The following DCAF6 variants were observed in gnomAD, a reference collection of about 807,000 sequenced individuals.
DCAF6 encodes DDB1- and CUL4-associated factor 6.
In DCAF6, 54 loss-of-function variants were observed where a neutral mutation model predicts 125.1. That is an observed-to-expected ratio of 0.43 (90% CI 0.35 to 0.54). The LOEUF (loss-of-function observed/expected upper bound fraction) is 0.54, where lower values mean the gene tolerates loss of function less well. Ranked by LOEUF, DCAF6 falls within the 20% of genes least tolerant of loss-of-function variation. DCAF6 has a pLI of 0.01. For missense variants in DCAF6, 934 were observed against 1,161.7 expected (o/e 0.80, Z 2.85); for synonymous variants, 371 against 390.4 (o/e 0.95, Z 0.58).
At chr1:167,957,278 G>A (rs72699719) in intron 2 of DCAF6, among the ~76,000 whole-genome samples, 2,458 of 151,926 alleles carry the variant, frequency 0.016, 35 homozygotes, top group Non-Finnish European at 0.024. Context: ...CCTCTATTTA[G>A]CAGTTAGCAA....
chr1:167,932,856 TGGGCAACATAACTTCAA>T (rs917634659), upstream of DCAF6, among the ~76,000 whole-genome samples: 3 of 149,246 alleles, frequency 2.0e-5, no homozygotes, highest in Non-Finnish European at 4.5e-5. Flanking sequence ...AAAATAACAC[TGGGCAACATAACTTCAA>T]GATTATTTCT....
intron 1 of DCAF6, among the ~76,000 whole-genome samples, chr1:167,944,913 G>A (rs1473665994): frequency 1.3e-5 from 2 of 152,196 alleles, no homozygotes; most frequent in Non-Finnish European, 2.9e-5. Context: ...TGAGAGATAA[G>A]AGTTCAATTG....
At chr1:168,002,422 A>G in intron 7 of DCAF6, 60 bp from the exon 8 acceptor site, 1 of 1,397,192 alleles carries the variant, frequency 7.2e-7, no homozygotes, top group Non-Finnish European at 1.0e-6. Flanking sequence ...AGTATGCTTT[A>G]AGAGTTGAGA....
At chr1:168,059,229 G>C (rs188103944) in intron 17 of DCAF6, among the ~76,000 whole-genome samples, 64 of 152,182 alleles carry the variant, frequency 4.2e-4, no homozygotes, top group Admixed American at 3.9e-3. Flanking sequence ...ACTTTTCCCT[G>C]CCCCATTTAG....
At chr1:167,928,871 T>C in the DCAF6 span, among the ~76,000 whole-genome samples, 31 of 152,344 alleles carry the variant, frequency 2.0e-4, no homozygotes, top group Non-Finnish European at 3.4e-4. Flanking sequence ...GAAAATATAC[T>C]GAAGAAAAAT....
At position 168,075,345 on chromosome 1, in the gene DCAF6, T is replaced by C. The variant is rs752620833; in HGVS notation, c.2792-26T>C. ...TGTAATTACTAAAAGTATTTCTCTT[T>C]GCGATTCTCTTATCTGTGTTTCCAG... On this transcript the variant is annotated intron_variant, in intron 21 of 21. Coordinates refer to ENST00000367840, the MANE Select transcript of DCAF6 (RefSeq NM_001198956.2). The C allele has an allele frequency of 3.2e-6, 5 of 1,576,854 alleles. 1 individual carries two copies. The South Asian group carries it at 6.0e-5, about 19-fold the overall frequency.
chr1:167,953,560 A>G (rs1674306835), intron 2 of DCAF6, among the ~76,000 whole-genome samples: 1 of 152,224 alleles, frequency 6.6e-6, no homozygotes, highest in African/African-American at 2.4e-5. Context: ...TTTATGAATT[A>G]TTCATTGATG....
chr1:167,936,125 T>A (rs1671178021), upstream of DCAF6: 1 of 476,948 alleles, frequency 2.1e-6, no homozygotes, highest in Admixed American at 3.4e-5. Context: ...GCCAAAATAA[T>A]CACCTCACCA....
At position 167,936,919 on chromosome 1, in the gene DCAF6, G is replaced by A. The variant is rs1194912159; in HGVS notation, c.8G>A (p.Arg3Gln). The A allele has an allele frequency of 6.2e-7, 1 of 1,604,288 alleles. No individual in the cohort carries two copies. The change falls in exon 1 of 22, where the codon CGG becomes CAG. Residue 3 changes from arginine (R) to glutamine (Q), a missense_variant. Arg to Gln is a conservative substitution (Grantham distance 43, BLOSUM62 1). Around this residue, in one of 5 missense-constraint regions of DCAF6, gnomAD observed 309 missense variants for 381.2 expected, o/e 0.81. Coordinates refer to ENST00000367840, the MANE Select transcript of DCAF6 (RefSeq NM_001198956.2). MS[R>Q]GGSYPHLLWD... Reference sequence around the variant, plus strand: ...CCCGGCTCAGGCAGAGCCATGTCTCGGGGTGGCTCCTACCCACACCTGTTG... The same window carrying A: ...CCCGGCTCAGGCAGAGCCATGTCTCAGGGTGGCTCCTACCCACACCTGTTG...
intron 10 of DCAF6, among the ~76,000 whole-genome samples, chr1:168,008,898 T>TGCCCCCACCCCCTCCCCTCCCCCC (rs1683765760): frequency 4.4e-5 from 3 of 68,000 alleles, no homozygotes; most frequent in African/African-American, 1.7e-4. Context: ...CCCTCCCCCC[T>TGCCCCCACCCCCTCCCCTCCCCCC]CCCTCCCTCC....
intron 1 of DCAF6, among the ~76,000 whole-genome samples, chr1:167,948,827 T>A (rs566154664): frequency 6.6e-6 from 1 of 152,178 alleles, no homozygotes; most frequent in South Asian, 2.1e-4. Context: ...AATTTTTGTA[T>A]TTTTAGTAGA....
chr1:167,899,792 C>T, the DCAF6 span, among the ~76,000 whole-genome samples: 2 of 152,296 alleles, frequency 1.3e-5, no homozygotes, highest in South Asian at 2.1e-4. Context: ...CTTTTGGGCT[C>T]GGGCCTTCCA....
intron 18 of DCAF6, 48 bp downstream of exon 18, chr1:168,063,807 C>CT (rs1417700788): frequency 6.4e-7 from 1 of 1,563,464 alleles, no homozygotes; most frequent in Non-Finnish European, 8.6e-7. Context: ...GTTTCATGCT[C>CT]TGAGTGTTTT....
At chr1:167,939,670 G>A (rs777783495) in intron 1 of DCAF6, among the ~76,000 whole-genome samples, 26 of 152,110 alleles carry the variant, frequency 1.7e-4, no homozygotes, top group Admixed American at 3.3e-4. Context: ...GGCTGAGGCA[G>A]GAGAATAGCT....
chr1:167,945,702 A>G (rs989100452), intron 1 of DCAF6, among the ~76,000 whole-genome samples: 19 of 151,670 alleles, frequency 1.3e-4, no homozygotes, highest in Admixed American at 6.6e-4. Flanking sequence ...GGGTTTCACC[A>G]TGTTGGCCAG....
At chr1:167,931,328 T>A (rs1394052328), upstream of DCAF6, among the ~76,000 whole-genome samples, 7 of 152,220 alleles carry the variant, frequency 4.6e-5, no homozygotes. Context: ...CAGAACAGTG[T>A]CTAATATACA....
the DCAF6 span, among the ~76,000 whole-genome samples, chr1:167,895,390 T>G: frequency 6.6e-6 from 1 of 152,022 alleles, no homozygotes; most frequent in Non-Finnish European, 1.5e-5. Context: ...GTCTCCCCAC[T>G]CCCCACCCCA....
At chr1:167,919,995 G>C in the DCAF6 span, 1 of 1,611,174 alleles carries the variant, frequency 6.2e-7, no homozygotes, top group Non-Finnish European at 8.5e-7. Flanking sequence ...ATACGAAAAA[G>C]CTGAGAGGCT....
the DCAF6 span, chr1:167,917,597 CAAAA>C: frequency 6.3e-5 from 5 of 79,834 alleles, no homozygotes; most frequent in Non-Finnish European, 7.3e-5. Flanking sequence ...GACCCTGTCT[CAAAA>C]AAAAAAAAAA....
Sources: gnomAD v4.1 joint callset for allele counts (sites outside exome capture counted in the v4.1 genomes callset) on GRCh38, gnomAD v4.1.1 for gene constraint, gnomAD v4.1.1 regional missense constraint, MANE v1.5 for transcripts, NCBI Gene and HGNC (gene_info 2026-07-23, HGNC 2026-07-21) for gene names.